Variants in PDE1A observed in about 807,000 individuals in gnomAD.
PDE1A encodes the protein phosphodiesterase 1A, also known as dual specificity calcium/calmodulin-dependent 3',5'-cyclic nucleotide phosphodiesterase 1A.
PDE1A carries 35 observed loss-of-function variants against 61.7 expected under a neutral mutation model. The ratio of observed to expected loss-of-function variants is 0.57; its 90% CI spans 0.43 to 0.75. The LOEUF (loss-of-function observed/expected upper bound fraction) is 0.75. PDE1A is among the 30% of genes least tolerant of loss of function. The pLI is 0.00. For synonymous variants in PDE1A, 232 were observed against 213.2 expected (o/e 1.09, Z -0.77); for missense variants, 597 against 630.6 (o/e 0.95, Z 0.57).
At chr2:182,346,015 T>C (rs183570329) in intron 1 of PDE1A, among the ~76,000 whole-genome samples, 16 of 152,350 alleles carry the variant, frequency 1.1e-4, no homozygotes, top group African/African-American at 2.6e-4. Flanking sequence ...GACACATATA[T>C]AGTAGACAGC....
intron 7 of PDE1A, among the ~76,000 whole-genome samples, chr2:182,208,531 G>T (rs756474182): frequency 1.7e-4 from 26 of 152,156 alleles, no homozygotes; most frequent in Non-Finnish European, 2.5e-4. Context: ...GGGACACGGA[G>T]CCAAACCATA....
In PDE1A at chr2:182,240,285, G is replaced by A. The variant is rs1364361726; in HGVS notation, c.175C>T (p.Leu59=). Residue 59 remains leucine, a synonymous_variant, in exon 3 of 14, where the codon CTG becomes TTG. Transcript: ENST00000351439. ...TCACTGAGCTCATCTTCAGTATCCA[G>A]AAGTCTTCTACAAAAATTTATACAG... is the stretch of plus-strand genomic sequence containing the variant. The A allele has an allele frequency of 1.2e-5, 18 of 1,555,230 alleles. No homozygotes were observed. In the East Asian group the frequency reaches 2.5e-4, roughly 22 times the overall value.
chr2:182,375,648 T>C (rs1381759329), intron 1 of PDE1A, among the ~76,000 whole-genome samples: 1 of 152,198 alleles, frequency 6.6e-6, no homozygotes, highest in Non-Finnish European at 1.5e-5. Flanking sequence ...GTCTGGAAGA[T>C]GGTGGCCCTC....
At chr2:182,384,387 G>A (rs7581210) in intron 1 of PDE1A, among the ~76,000 whole-genome samples, 4,547 of 150,204 alleles carry the variant, frequency 0.03, 201 homozygotes, top group African/African-American at 0.1. Flanking sequence ...TGAACTTCAG[G>A]ATATATGAAA....
intron 1 of PDE1A, among the ~76,000 whole-genome samples, chr2:182,311,646 A>T (rs970845313): frequency 2.0e-5 from 3 of 152,116 alleles, no homozygotes; most frequent in African/African-American, 7.2e-5. Context: ...TATGGCCTCT[A>T]TCAGAAGTTT....
intron 3 of PDE1A, among the ~76,000 whole-genome samples, chr2:182,239,418 C>T (rs559705519): frequency 2.0e-5 from 3 of 151,812 alleles, no homozygotes; most frequent in South Asian, 2.1e-4. Flanking sequence ...TCTATTTTGG[C>T]GAGTCTTTTG....
intron 1 of PDE1A, among the ~76,000 whole-genome samples, chr2:182,295,008 A>G (rs1303595288): frequency 1.3e-5 from 2 of 150,316 alleles, no homozygotes; most frequent in Non-Finnish European, 3.0e-5. Context: ...AACTTGGTTA[A>G]GTCTCCGTTT....
chr2:182,186,523 T>A, exon 12 of PDE1A: 1 of 1,612,480 alleles, frequency 6.2e-7, no homozygotes, highest in Non-Finnish European at 8.5e-7. Flanking sequence ...ATAAGAGGAA[T>A]AACAATTTTC....
chr2:182,425,986 CAAAATT>C (rs989610306), intron 1 of PDE1A, among the ~76,000 whole-genome samples: 1 of 152,178 alleles, frequency 6.6e-6, no homozygotes, highest in African/African-American at 2.4e-5. Flanking sequence ...TACCTCCCTC[CAAAATT>C]AAACTTTAGC....
intron 2 of PDE1A, among the ~76,000 whole-genome samples, chr2:182,494,724 C>T (rs1483392431): frequency 6.6e-6 from 1 of 151,788 alleles, no homozygotes; most frequent in Non-Finnish European, 1.5e-5. Flanking sequence ...AAAAGCCTTA[C>T]CCTCCCTCCC....
the PDE1A span, among the ~76,000 whole-genome samples, chr2:182,644,172 G>A: frequency 8.8e-5 from 8 of 90,762 alleles, no homozygotes; most frequent in Non-Finnish European, 2.6e-5. Flanking sequence ...GCCTTGTAAT[G>A]AGCTTCTACA....
chr2:182,190,129 C>T (rs1408662180), intron 10 of PDE1A, among the ~76,000 whole-genome samples: 1 of 152,208 alleles, frequency 6.6e-6, no homozygotes, highest in African/African-American at 2.4e-5. Context: ...TAGAGCAGTT[C>T]CCCTAAACCA....
At chr2:182,165,496 A>G (rs1372412756), downstream of PDE1A, among the ~76,000 whole-genome samples, 2 of 152,170 alleles carry the variant, frequency 1.3e-5, no homozygotes, top group African/African-American at 4.8e-5. Flanking sequence ...GAGATAAAGA[A>G]TAGTATTTCT....
chr2:182,540,892 G>A, the PDE1A span, among the ~76,000 whole-genome samples: 2 of 152,078 alleles, frequency 1.3e-5, no homozygotes, highest in East Asian at 1.9e-4. Flanking sequence ...CCAACTGAAA[G>A]GCTCCATAAA....
At chr2:182,708,840 T>G in the PDE1A span, among the ~76,000 whole-genome samples, 1 of 152,214 alleles carries the variant, frequency 6.6e-6, no homozygotes, top group Non-Finnish European at 1.5e-5. Context: ...TCAGTAAAAT[T>G]GACTTAATAA....
chr2:182,334,444 A>G (rs1214211849), intron 1 of PDE1A, among the ~76,000 whole-genome samples: 1 of 152,248 alleles, frequency 6.6e-6, no homozygotes, highest in Non-Finnish European at 1.5e-5. Flanking sequence ...AGTTGGCTTC[A>G]ACCCTGGGAT....
chr2:182,686,891 A>T, the PDE1A span, among the ~76,000 whole-genome samples: 3 of 150,820 alleles, frequency 2.0e-5, no homozygotes, highest in African/African-American at 5.0e-5. Flanking sequence ...TATCCCGCGC[A>T]TGGCTTGGAG....
chr2:182,242,893 T>TCC (rs34752164), intron 2 of PDE1A, among the ~76,000 whole-genome samples: 19,041 of 115,058 alleles, frequency 0.17, 1,564 homozygotes, highest in Middle Eastern at 0.23. Context: ...CCTCTCTCTC[T>TCC]CTCTCCCTCT....
chr2:182,601,226 C>G, the PDE1A span, among the ~76,000 whole-genome samples: 1 of 152,172 alleles, frequency 6.6e-6, no homozygotes, highest in Admixed American at 6.5e-5. Flanking sequence ...GGTCCGGCCA[C>G]TGCACATAGT....
Sources: allele counts gnomAD v4.1 joint callset (sites outside exome capture counted in the v4.1 genomes callset), GRCh38; gene constraint gnomAD v4.1.1; transcripts MANE v1.5; gene names NCBI Gene and HGNC (gene_info 2026-07-23, HGNC 2026-07-21).